The following TICRR variants were observed in gnomAD, a reference collection of about 807,000 sequenced individuals.
TICRR encodes the protein treslin.
Under a neutral mutation model 178.1 loss-of-function variants are expected in TICRR, and 132 were observed. The ratio of observed to expected loss-of-function variants is 0.74; its 90% CI spans 0.64 to 0.86. The LOEUF (loss-of-function observed/expected upper bound fraction) is 0.86, where lower values mean the gene tolerates loss of function less well. Among genes scored for constraint, TICRR ranks in the 40% least tolerant of loss-of-function variants. The pLI is 0.00. For missense variants in TICRR, 2,587 were observed against 2,334.3 expected, an observed-to-expected ratio of 1.11 and a Z score of -2.23; for synonymous variants, 991 against 900.7, an observed-to-expected ratio of 1.10 and a Z score of -1.79.
rs545694565 is a variant in TICRR at position 89,621,315 on chromosome 15, G to A, written c.3155-78G>A. 26 of 1,460,016 alleles carry A rather than the reference G, an allele frequency of 1.8e-5. No individual in the cohort carries two copies. The East Asian group carries it at 4.2e-4, about 23-fold the overall frequency. 90.4% of individuals were successfully genotyped at this position (1,460,016 alleles called of 1,614,324 possible). A position where few individuals can be genotyped will look rare whatever the true frequency, so the allele number is the denominator to read the frequency against. ...GGATTACAGGCGTGAGCCACCATGCGTGGCTGGCTGTTTTAATAGTATTGG... is the reference window on the plus strand; with the variant it reads ...GGATTACAGGCGTGAGCCACCATGCATGGCTGGCTGTTTTAATAGTATTGG... On this transcript the variant is annotated intron_variant, in intron 18 of 21. Coordinates refer to ENST00000268138, the MANE Select transcript of TICRR (RefSeq NM_152259.4).
chr15:89,601,713 G>A (rs4244876), intron 11 of TICRR, 24 bp from the exon 12 acceptor site: 1,425,200 of 1,613,550 alleles, frequency 0.88, 635,042 homozygotes, highest in Non-Finnish European at 0.92. Flanking sequence ...TAACTGTTCC[G>A]TATTCGATCA....
Position 89,601,550 on chromosome 15 carries a change from TG to T in TICRR, c.2311del (p.Glu771ArgfsTer4). ...GATTCAGCGTACCTAGCAGAGTTTC[TG>T]GAGGAAATTTTGAGATTGTAAGTTT... The part of the protein sequence containing the change: ...TEDSAYLAEF[L>X]EEILRLYIDS... On this transcript the variant is annotated frameshift_variant, in exon 11 of 22. Transcript: ENST00000268138. LOFTEE classifies it high-confidence loss of function. The T allele has an allele frequency of 6.2e-7, 1 of 1,614,216 alleles. No homozygotes were observed. Among genetic ancestry groups the T allele is most frequent in the Admixed American group, 1.7e-5 (1 of 60,026 alleles).
Position 89,627,333 on chromosome 15 carries a change from G to T in TICRR, c.*247G>T. 4.4e-6 allele frequency: 2 copies of T among 455,268 alleles called. No homozygotes were observed. The highest frequency in any genetic ancestry group is 8.6e-5 in the South Asian group (2 of 23,214). The allele number at this position is 455,268 out of a possible 1,614,324, so 28.2% of individuals were successfully genotyped here. A position where few individuals can be genotyped will look rare whatever the true frequency, so the allele number is the denominator to read the frequency against. ...TGGTGCTATAACTCAGGCAGCCTGGGAGTCAGGAACCCAGACAAGGAATCC... is the reference window on the plus strand; with the variant it reads ...TGGTGCTATAACTCAGGCAGCCTGGTAGTCAGGAACCCAGACAAGGAATCC... On this transcript the variant is annotated 3_prime_UTR_variant, in exon 22 of 22. Transcript: ENST00000268138.
intron 3 of TICRR, among the ~76,000 whole-genome samples, chr15:89,585,024 C>T (rs934386515): frequency 6.6e-6 from 1 of 152,180 alleles, no homozygotes; most frequent in Non-Finnish European, 1.5e-5. Context: ...TATACATACC[C>T]AGATTTGATT....
At chr15:89,591,304 A>G (rs759951171) in intron 4 of TICRR, among the ~76,000 whole-genome samples, 3 of 152,052 alleles carry the variant, frequency 2.0e-5, no homozygotes, top group Non-Finnish European at 4.4e-5. Flanking sequence ...TTGTACTTTT[A>G]GTAGAGACGG....
chr15:89,604,768 C>CA (rs35046074), intron 13 of TICRR, among the ~76,000 whole-genome samples: 8,579 of 106,522 alleles, frequency 0.081, 658 homozygotes, highest in African/African-American at 0.21. Flanking sequence ...GAGACTCTGT[C>CA]AAAAAAAAAA....
intron 1 of TICRR, among the ~76,000 whole-genome samples, chr15:89,577,855 C>T (rs1247640852): frequency 1.3e-5 from 2 of 151,658 alleles, no homozygotes; most frequent in Non-Finnish European, 2.9e-5. Flanking sequence ...AGGCAGTCCG[C>T]CAACCTCAGC....
rs1357237401 is a variant in TICRR at position 89,595,536 on chromosome 15, C to CA, written c.1829dup (p.Ile611AspfsTer3). 6.2e-7 allele frequency: 1 copy of CA among 1,613,984 alleles called. No homozygotes were observed. The highest frequency in any genetic ancestry group is 8.5e-7 in the Non-Finnish European group (1 of 1,180,042). On this transcript the variant is annotated frameshift_variant, in exon 7 of 22. Coordinates refer to ENST00000268138, the MANE Select transcript of TICRR (RefSeq NM_152259.4). LOFTEE classifies it high-confidence loss of function. ...GGATGTGGCTGGGGAGAAAGGAATC[C>CA]AAAAGATACCTAGTGGGAGAACAGT...
chr15:89,620,761 T>C (rs778542113), intron 18 of TICRR, among the ~76,000 whole-genome samples: 1 of 151,944 alleles, frequency 6.6e-6, no homozygotes, highest in Non-Finnish European at 1.5e-5. Flanking sequence ...CTCACTCTGT[T>C]GCCCAGGCTG....
chr15:89,603,155 G>T (rs1567046151), intron 13 of TICRR, among the ~76,000 whole-genome samples: 1 of 152,168 alleles, frequency 6.6e-6, no homozygotes, highest in Non-Finnish European at 1.5e-5. Flanking sequence ...AATCTTTAAT[G>T]TAGATAGGAA....
chr15:89,619,939 A>C (rs1251542042), intron 18 of TICRR, 97 bp downstream of exon 18: 52 of 1,439,552 alleles, frequency 3.6e-5, no homozygotes, highest in Non-Finnish European at 4.6e-5. Context: ...TTCTTTCTTG[A>C]CATTGGAGAA....
chr15:89,615,398 G>A (rs1230516752), intron 15 of TICRR, among the ~76,000 whole-genome samples: 2 of 152,166 alleles, frequency 1.3e-5, no homozygotes, highest in African/African-American at 2.4e-5. Flanking sequence ...CTGTGATTGT[G>A]GGAAATTGAT....
At chr15:89,626,141 T>C in intron 21 of TICRR, 80 bp downstream of exon 21, 1 of 1,552,572 alleles carries the variant, frequency 6.4e-7, no homozygotes, top group South Asian at 1.2e-5. Flanking sequence ...AGCTCGATTC[T>C]AGAGGAGCCC....
At chr15:89,597,151 T>C (rs1361777210) in intron 7 of TICRR, among the ~76,000 whole-genome samples, 1 of 152,176 alleles carries the variant, frequency 6.6e-6, no homozygotes, top group Non-Finnish European at 1.5e-5. Context: ...TTTTTAGTAA[T>C]TTTTTTCTGC....
In TICRR at chr15:89,624,110, A is replaced by G. The variant is rs771329614; in HGVS notation, c.3800A>G (p.Gln1267Arg). The change falls in exon 20 of 22, where the codon CAA (glutamine) becomes CGA (arginine). Residue 1267 changes from glutamine (Q) to arginine (R), a missense_variant. Coordinates refer to ENST00000268138, the MANE Select transcript of TICRR (RefSeq NM_152259.4). ...GGCACGCCTCAGAATCAAACACACC[A>G]ACAGCCCCATGTCCTCAGAGCTGCT... is the stretch of plus-strand genomic sequence containing the variant. ...FMGTPQNQTH[Q>R]QPHVLRAARA... 6.2e-7 allele frequency: 1 copy of G among 1,613,736 alleles called. No individual in the cohort carries two copies. Among genetic ancestry groups the G allele is most frequent in the Non-Finnish European group, 8.5e-7 (1 of 1,179,984 alleles).
At chr15:89,591,171 GC>G (rs1962905489) in intron 4 of TICRR, among the ~76,000 whole-genome samples, 1 of 152,194 alleles carries the variant, frequency 6.6e-6, no homozygotes, top group African/African-American at 2.4e-5. Flanking sequence ...TGTCACCCAG[GC>G]TGGAGTGCAG....
At chr15:89,620,366 G>A (rs576905576) in intron 18 of TICRR, among the ~76,000 whole-genome samples, 10 of 152,106 alleles carry the variant, frequency 6.6e-5, no homozygotes, top group Non-Finnish European at 1.3e-4. Flanking sequence ...GCACCACCAC[G>A]CCCAGCTGAT....
intron 15 of TICRR, among the ~76,000 whole-genome samples, chr15:89,614,907 C>A (rs1403854230): frequency 1.3e-5 from 2 of 152,160 alleles, no homozygotes; most frequent in East Asian, 3.8e-4. Flanking sequence ...CTCAGCCAGG[C>A]AGTTTAGAAT....
chr15:89,619,961 A>G, intron 18 of TICRR, 119 bp downstream of exon 18: 2 of 1,269,244 alleles, frequency 1.6e-6, no homozygotes, highest in African/African-American at 3.0e-5. Context: ...TAGAATAGGT[A>G]TGTCTAGTTG....
Sources: gnomAD v4.1 joint callset for allele counts (sites outside exome capture counted in the v4.1 genomes callset) on GRCh38, gnomAD v4.1.1 for gene constraint, MANE v1.5 for transcripts, NCBI Gene and HGNC (gene_info 2026-07-23, HGNC 2026-07-21) for gene names.